The following GRHPR variants were observed in gnomAD, a reference collection of about 807,000 sequenced individuals.
The protein encoded by GRHPR is glyoxylate reductase/hydroxypyruvate reductase.
GRHPR carries 35 observed loss-of-function variants against 36.8 expected under a neutral mutation model. The ratio of observed to expected loss-of-function variants is 0.95; its 90% CI spans 0.73 to 1.26. GRHPR has a LOEUF of 1.26. Ranked by LOEUF, GRHPR falls within the 50% of genes most tolerant of loss-of-function variation. The probability of loss-of-function intolerance (pLI) is 0.00; values close to 1 mark genes in which losing one functional copy is unlikely to be tolerated. For synonymous variants in GRHPR, 179 were observed against 181.0 expected (o/e 0.99, Z 0.09); for missense variants, 380 against 435.0 (o/e 0.87, Z 1.12).
In GRHPR at chr9:37,432,116, T is replaced by A. The variant is rs780918729; in HGVS notation, c.843T>A (p.Pro281=). Residue 281 remains proline (P), a synonymous_variant, in exon 8 of 9, where the codon CCT becomes CCA. Coordinates refer to ENST00000318158, the MANE Select transcript of GRHPR (RefSeq NM_012203.2). ...TSPEPLPTNH[P]LLTLKNCVIL... ...CAGAACCACTGCCTACAAACCACCC[T>A]CTCCTGACCCTGAAGAACTGTGGTA... 1.9e-6 allele frequency: 3 copies of A among 1,613,898 alleles called. No homozygotes were observed. Among genetic ancestry groups the A allele is most frequent in the Admixed American group, 1.7e-5 (1 of 59,994 alleles).
At chr9:37,422,952 G>C in intron 1 of GRHPR, 119 bp downstream of exon 1, 1 of 712,438 alleles carries the variant, frequency 1.4e-6, no homozygotes, top group East Asian at 2.7e-5. Context: ...GGGAGTCTCG[G>C]AGAAAGTTCT....
intron 8 of GRHPR, chr9:37,433,850 T>G (rs553296944): frequency 2.6e-6 from 1 of 391,388 alleles, no homozygotes; most frequent in East Asian, 3.6e-5. Context: ...CGGGCCAGTC[T>G]CTGCCCTTAA....
intron 8 of GRHPR, among the ~76,000 whole-genome samples, chr9:37,435,121 T>G (rs1344055257): frequency 1.3e-5 from 2 of 152,144 alleles, no homozygotes; most frequent in African/African-American, 4.8e-5. Context: ...TGTAATGGTA[T>G]GTACCTCTAG....
At chr9:37,435,736 T>TAAAG (rs2118910542) in intron 8 of GRHPR, among the ~76,000 whole-genome samples, 1 of 152,258 alleles carries the variant, frequency 6.6e-6, no homozygotes, top group African/African-American at 2.4e-5. Context: ...TGATAAAATT[T>TAAAG]AAAGAAGAAA....
chr9:37,433,228 ATTTTTT>A (rs11345501), intron 8 of GRHPR, among the ~76,000 whole-genome samples: 1 of 97,202 alleles, frequency 1.0e-5, no homozygotes, highest in Non-Finnish European at 2.2e-5. Context: ...TGGTTCTCAC[ATTTTTT>A]TTTTTTTTTT....
chr9:37,422,589 C>T, upstream of GRHPR: 1 of 670,496 alleles, frequency 1.5e-6, no homozygotes, highest in East Asian at 2.7e-5. Flanking sequence ...GCACAGTCAC[C>T]GCTCAGCCGC....
chr9:37,425,942 A>G lies in GRHPR; in HGVS notation c.235A>G (p.Ser79Gly). 2 of 1,613,684 alleles carry G rather than the reference A, an allele frequency of 1.2e-6. No homozygotes were observed. Among genetic ancestry groups the G allele is most frequent in the South Asian group, 1.1e-5 (1 of 91,072 alleles). Residue 79 changes from serine (S) to glycine (G), a missense_variant, in exon 3 of 9, where the codon AGC (serine) becomes GGC (glycine). Ser to Gly is a moderately conservative substitution (Grantham distance 56). Coordinates refer to ENST00000318158, the MANE Select transcript of GRHPR (RefSeq NM_012203.2). Reference sequence around the variant, plus strand: ...AACAGGGGCCAATCTCAAAGTCATCAGCACCATGTCTGTGGGCATCGACCA... The same window carrying G: ...AACAGGGGCCAATCTCAAAGTCATCGGCACCATGTCTGTGGGCATCGACCA... ...DAAGANLKVISTMSVGIDHLA... is the reference protein window; with the variant it reads ...DAAGANLKVIGTMSVGIDHLA...
intron 4 of GRHPR, among the ~76,000 whole-genome samples, chr9:37,427,457 C>A (rs774943253): frequency 6.6e-6 from 1 of 152,192 alleles, no homozygotes; most frequent in African/African-American, 2.4e-5. Flanking sequence ...GAATCTACCA[C>A]GTGCGCCATG....
At chr9:37,429,611 A>G in intron 5 of GRHPR, 121 bp from the exon 6 acceptor site, 1 of 779,916 alleles carries the variant, frequency 1.3e-6, no homozygotes. Context: ...AGACAGGAGC[A>G]GGCAACTCGG....
Position 37,426,585 on chromosome 9 carries a change from C to A in GRHPR, c.335C>A (p.Ala112Asp). The A allele has an allele frequency of 6.2e-7, 1 of 1,614,000 alleles. No homozygotes were observed. ...CCAGATGTCCTGACAGATACCACCG[C>A]CGAACTCGCAGTCTCCCTGCTACTT... ...YTPDVLTDTT[A>D]ELAVSLLLTT... The change falls in exon 4 of 9, where the codon GCC becomes GAC. Residue 112 changes from alanine (A) to aspartate (D), a missense_variant. By Grantham distance (126) the Ala-to-Asp change is moderately radical. Coordinates refer to ENST00000318158, the MANE Select transcript of GRHPR (RefSeq NM_012203.2).
intron 8 of GRHPR, chr9:37,434,261 C>T: frequency 2.4e-6 from 1 of 421,820 alleles, no homozygotes; most frequent in East Asian, 3.4e-5. Flanking sequence ...CAGCTGATGA[C>T]CCCAGTGATC....
intron 4 of GRHPR, chr9:37,428,020 G>T: frequency 3.5e-6 from 1 of 284,050 alleles, no homozygotes; most frequent in East Asian, 8.9e-5. Flanking sequence ...CCTGTCTGGG[G>T]AGTCATCACA....
At chr9:37,435,253 ACT>A (rs1342106772) in intron 8 of GRHPR, among the ~76,000 whole-genome samples, 5 of 151,028 alleles carry the variant, frequency 3.3e-5, no homozygotes, top group African/African-American at 1.2e-4. Context: ...TGTCTCAAAA[ACT>A]CTTCTCTACT....
chr9:37,425,670 G>A (rs1484284858), intron 2 of GRHPR, among the ~76,000 whole-genome samples: 1 of 152,258 alleles, frequency 6.6e-6, no homozygotes, highest in East Asian at 1.9e-4. Context: ...GTGGGTAAGA[G>A]CGGGGCCTTG....
At position 37,430,661 on chromosome 9, in the gene GRHPR, C is replaced by T; in HGVS notation, c.734+15C>T. 1 of 1,612,300 alleles carries T rather than the reference C, an allele frequency of 6.2e-7. No homozygotes were observed. The highest frequency in any genetic ancestry group is 1.1e-5 in the South Asian group (1 of 91,030). On this transcript the variant is annotated intron_variant, in intron 7 of 8. Transcript: ENST00000318158. Reference sequence around the variant, plus strand: ...AACATCAGCAGGTATCCTAGGGCCACCTTACCCAGCAAGCCTGGAGAGGAG... The same window carrying T: ...AACATCAGCAGGTATCCTAGGGCCATCTTACCCAGCAAGCCTGGAGAGGAG...
intron 5 of GRHPR, chr9:37,429,377 G>A (rs2736666): frequency 2.7e-6 from 1 of 373,302 alleles, no homozygotes. Context: ...CAGGACAAAG[G>A]AGGGGACTGC....
chr9:37,437,715 C>CCACTT (rs1823739327), downstream of GRHPR, among the ~76,000 whole-genome samples: 3 of 151,880 alleles, frequency 2.0e-5, no homozygotes, highest in East Asian at 5.8e-4. Context: ...ACCACCTTAC[C>CCACTT]CACTTCTCTC....
downstream of GRHPR, among the ~76,000 whole-genome samples, chr9:37,437,202 GA>G (rs1823714531): frequency 6.6e-6 from 1 of 151,788 alleles, no homozygotes; most frequent in African/African-American, 2.4e-5. Context: ...AGTGTGCTAT[GA>G]TCACTCTTTA....
rs1358053668 is a variant in GRHPR at position 37,422,770 on chromosome 9, T to C, written c.20T>C (p.Met7Thr). The change falls in exon 1 of 9, where the codon ATG becomes ACG. Residue 7 changes from methionine to threonine, a missense_variant. Transcript: ENST00000318158. MRPVRL[M>T]KVFVTRRIPA... ...CTGCGGATGAGACCGGTGCGACTCA[T>C]GAAGGTGTTCGTCACCCGCAGGATA... 2 of 1,596,898 alleles carry C rather than the reference T, an allele frequency of 1.3e-6. No homozygotes were observed. Among genetic ancestry groups the C allele is most frequent in the Non-Finnish European group, 1.7e-6 (2 of 1,173,286 alleles).
Sources: gnomAD v4.1 joint callset for allele counts (sites outside exome capture counted in the v4.1 genomes callset) on GRCh38, gnomAD v4.1.1 for gene constraint, MANE v1.5 for transcripts, NCBI Gene and HGNC (gene_info 2026-07-23, HGNC 2026-07-21) for gene names.